The following PKIA variants were observed in gnomAD, a reference collection of about 807,000 sequenced individuals.
PKIA encodes cAMP-dependent protein kinase inhibitor alpha, also known as PKI-alpha.
In PKIA, 4 loss-of-function variants were observed where a neutral mutation model predicts 7.6. That is an observed-to-expected ratio of 0.52 (90% CI 0.26 to 1.20). PKIA has a LOEUF of 1.20. Among genes scored for constraint, PKIA ranks in the 50% most tolerant of loss-of-function variants. PKIA has a pLI of 0.13. For synonymous variants in PKIA, 21 were observed against 30.7 expected (o/e 0.68, Z 1.04); for missense variants, 73 against 86.2 (o/e 0.85, Z 0.61).
intron 1 of PKIA, among the ~76,000 whole-genome samples, chr8:78,554,518 A>T (rs953706388): frequency 1.3e-5 from 2 of 152,036 alleles, no homozygotes; most frequent in African/African-American, 4.8e-5. Context: ...TAAAATTTTT[A>T]AAATTCTGAA....
intron 2 of PKIA, among the ~76,000 whole-genome samples, chr8:78,574,886 A>C (rs144791711): frequency 8.6e-4 from 131 of 152,070 alleles, no homozygotes; most frequent in African/African-American, 3.1e-3. Flanking sequence ...CCAAAAGACT[A>C]GTATCACTTA....
chr8:78,554,721 C>G (rs934039980), intron 1 of PKIA, among the ~76,000 whole-genome samples: 3 of 151,974 alleles, frequency 2.0e-5, no homozygotes, highest in South Asian at 2.1e-4. Context: ...ATGGTTGACA[C>G]AAGAATTAGA....
At chr8:78,559,098 T>C (rs1335924220) in intron 1 of PKIA, among the ~76,000 whole-genome samples, 1 of 152,098 alleles carries the variant, frequency 6.6e-6, no homozygotes, top group Non-Finnish European at 1.5e-5. Context: ...ATGTTTGTAT[T>C]TTTAGTAGAG....
At chr8:78,519,293 A>G (rs16905737) in intron 1 of PKIA, among the ~76,000 whole-genome samples, 5,102 of 152,160 alleles carry the variant, frequency 0.034, 94 homozygotes, top group African/African-American at 0.041. Flanking sequence ...CTGGTGCTGC[A>G]TTACTGCCAT....
intron 1 of PKIA, among the ~76,000 whole-genome samples, chr8:78,522,792 T>C (rs767400882): frequency 5.3e-5 from 8 of 151,952 alleles, no homozygotes; most frequent in East Asian, 1.9e-4. Flanking sequence ...AATAGGTTAT[T>C]TGCATCAAAC....
At chr8:78,572,540 C>T (rs886608192) in intron 1 of PKIA, among the ~76,000 whole-genome samples, 6 of 108,442 alleles carry the variant, frequency 5.5e-5, no homozygotes, top group Admixed American at 8.9e-5. Context: ...AAAAGCTGCA[C>T]GCACACACAC....
chr8:78,577,316 G>A (rs575847405), intron 2 of PKIA, among the ~76,000 whole-genome samples: 1 of 151,878 alleles, frequency 6.6e-6, no homozygotes, highest in African/African-American at 2.4e-5. Context: ...CACAAAGAAG[G>A]GAACAACAGA....
intron 1 of PKIA, among the ~76,000 whole-genome samples, chr8:78,531,100 T>G (rs1585870662): frequency 1.3e-5 from 2 of 152,256 alleles, no homozygotes; most frequent in East Asian, 3.9e-4. Flanking sequence ...TGCTGTCATT[T>G]GAATTTCAAG....
Position 78,541,861 on chromosome 8 carries a change from T to C in PKIA, c.-157+25393T>C, listed in dbSNP as rs190060734. Reference sequence around the variant, plus strand: ...TACCATCTCCAACAGAAGGTTAGCTTTCTCTTTCAAGAGTATAAGAGGCAG... The same window carrying C: ...TACCATCTCCAACAGAAGGTTAGCTCTCTCTTTCAAGAGTATAAGAGGCAG... On this transcript the variant is annotated intron_variant, in intron 1 of 3. Transcript: ENST00000396418. Among the ~76,000 whole-genome samples, 35 of 151,690 alleles carry C rather than the reference T, an allele frequency of 2.3e-4. No individual in the cohort carries two copies. The East Asian group carries it at 6.8e-3, about 30-fold the overall frequency.
intron 1 of PKIA, among the ~76,000 whole-genome samples, chr8:78,538,961 A>G (rs1035375432): frequency 1.3e-5 from 2 of 152,196 alleles, no homozygotes; most frequent in East Asian, 1.9e-4. Flanking sequence ...TATGCATGCT[A>G]TGACAAGGAG....
At chr8:78,562,193 T>C (rs1376248803) in intron 1 of PKIA, among the ~76,000 whole-genome samples, 2 of 152,198 alleles carry the variant, frequency 1.3e-5, no homozygotes, top group Non-Finnish European at 2.9e-5. Context: ...CCTAACAAAA[T>C]ATGTCTCAGG....
intron 1 of PKIA, among the ~76,000 whole-genome samples, chr8:78,524,024 T>TTATATAAATATATAAACGTTTATATATA (rs1554578571): frequency 1.2e-5 from 1 of 83,576 alleles, no homozygotes. Context: ...ATATAAACGT[T>TTATATAAATATATAAACGTTTATATATA]TATATAAACG....
chr8:78,531,365 T>G (rs887126874), intron 1 of PKIA, among the ~76,000 whole-genome samples: 2 of 152,152 alleles, frequency 1.3e-5, no homozygotes, highest in Non-Finnish European at 2.9e-5. Context: ...AATGAGAAAC[T>G]GAAGAAATGG....
intron 2 of PKIA, among the ~76,000 whole-genome samples, chr8:78,594,363 TA>T (rs112951068): frequency 0.016 from 2,145 of 138,046 alleles, 15 homozygotes; most frequent in African/African-American, 0.03. Context: ...TGGTTGAAGT[TA>T]AAAAAAAAAA....
At chr8:78,560,079 A>T (rs1013617287) in intron 1 of PKIA, among the ~76,000 whole-genome samples, 8 of 152,168 alleles carry the variant, frequency 5.3e-5, no homozygotes, top group African/African-American at 1.9e-4. Flanking sequence ...GCCTTTTGTT[A>T]AAAATAGCTG....
At chr8:78,529,007 G>A in intron 1 of PKIA, among the ~76,000 whole-genome samples, 1 of 151,914 alleles carries the variant, frequency 6.6e-6, no homozygotes, top group East Asian at 1.9e-4. Flanking sequence ...TTAATTTAAA[G>A]GTTACTGGAG....
chr8:78,540,311 T>C (rs770616624), intron 1 of PKIA, among the ~76,000 whole-genome samples: 26 of 152,018 alleles, frequency 1.7e-4, no homozygotes, highest in Non-Finnish European at 3.4e-4. Flanking sequence ...TTTGCTGTCT[T>C]CTCAAAAGAG....
At chr8:78,567,749 A>G (rs1443091652) in intron 1 of PKIA, among the ~76,000 whole-genome samples, 1 of 152,178 alleles carries the variant, frequency 6.6e-6, no homozygotes, top group Non-Finnish European at 1.5e-5. Context: ...AGACTTATCT[A>G]TCCCCCAGCC....
At chr8:78,599,393 C>T (rs1306394293) in intron 3 of PKIA, among the ~76,000 whole-genome samples, 3 of 151,926 alleles carry the variant, frequency 2.0e-5, no homozygotes, top group Non-Finnish European at 2.9e-5. Flanking sequence ...AATATGTCTT[C>T]GCTGTTAGAA....
Sources: allele counts gnomAD v4.1 joint callset (sites outside exome capture counted in the v4.1 genomes callset), GRCh38; gene constraint gnomAD v4.1.1; transcripts MANE v1.5; gene names NCBI Gene and HGNC (gene_info 2026-07-23, HGNC 2026-07-21).